ADGRL2: variants seen among roughly 807,000 people sequenced by gnomAD.
The protein encoded by ADGRL2 is calcium-independent alpha-latrotoxin receptor 2.
In ADGRL2, 44 loss-of-function variants were observed where a neutral mutation model predicts 157.4. That is an observed-to-expected ratio of 0.28 (90% CI 0.22 to 0.36). ADGRL2 has a LOEUF of 0.36. Among genes scored for constraint, ADGRL2 ranks in the 10% least tolerant of loss-of-function variants. The pLI is 1.00. For synonymous variants in ADGRL2, 585 were observed against 624.7 expected, an observed-to-expected ratio of 0.94 and a Z score of 0.95; for missense variants, 1,510 against 1,768.9, an observed-to-expected ratio of 0.85 and a Z score of 2.63.
Position 81,966,384 on chromosome 1 carries a change from G to C in ADGRL2, c.2144-20G>C. 6.2e-7 allele frequency: 1 copy of C among 1,607,258 alleles called. No individual in the cohort carries two copies. Among genetic ancestry groups the C allele is most frequent in the Non-Finnish European group, 8.5e-7 (1 of 1,174,138 alleles). ...CAAGCATGTTTTTTGTACATCATGT[G>C]ACTATTTTTACCTTCCTAGGGCTTG... is the stretch of plus-strand genomic sequence containing the variant. On this transcript the variant is annotated intron_variant, in intron 12 of 23. Transcript: ENST00000686636.
chr1:81,974,986 T>A (rs1659764846), intron 17 of ADGRL2, among the ~76,000 whole-genome samples: 1 of 152,052 alleles, frequency 6.6e-6, no homozygotes, highest in Non-Finnish European at 1.5e-5. Context: ...GATGACTTAC[T>A]CTTTTTGGCT....
rs1256402916 is a variant in ADGRL2, at chr1:81,979,895, A to G, written c.3048A>G (p.Thr1016=). Residue 1016 remains threonine (T), a synonymous_variant, in exon 18 of 24, where the codon ACA becomes ACG. Transcript: ENST00000686636. ...TAAATATTATCTTCTTGGTGATCAC[A>G]TTGTGCAAAATGGTGAAGCATTCAA... ...ILLNIIFLVI[T]LCKMVKHSNT... The G allele has an allele frequency of 1.9e-6, 3 of 1,605,956 alleles. No individual in the cohort carries two copies. The highest frequency in any genetic ancestry group is 1.7e-5 in the Admixed American group (1 of 59,698).
At chr1:81,553,452 A>G (rs1417895010) in intron 2 of ADGRL2, among the ~76,000 whole-genome samples, 2 of 152,194 alleles carry the variant, frequency 1.3e-5, no homozygotes, top group South Asian at 2.1e-4. Flanking sequence ...GTAAATGTGT[A>G]AAGTGGTAAA....
intron 2 of ADGRL2, among the ~76,000 whole-genome samples, chr1:81,775,577 C>T (rs2086547986): frequency 6.7e-6 from 1 of 149,966 alleles, no homozygotes; most frequent in African/African-American, 2.5e-5. Flanking sequence ...TAATAGAGGT[C>T]CTGGTTTAAA....
chr1:81,839,115 A>G (rs1383703890), intron 2 of ADGRL2, among the ~76,000 whole-genome samples: 1 of 152,104 alleles, frequency 6.6e-6, no homozygotes, highest in Non-Finnish European at 1.5e-5. Flanking sequence ...AGGCATAGGA[A>G]GGCAGATATG....
intron 1 of ADGRL2, among the ~76,000 whole-genome samples, chr1:81,704,626 C>T (rs1455852766): frequency 6.6e-6 from 1 of 152,178 alleles, no homozygotes; most frequent in Non-Finnish European, 1.5e-5. Context: ...TTTCCTCTTC[C>T]CCACCTTTCC....
intron 1 of ADGRL2, among the ~76,000 whole-genome samples, chr1:81,714,499 C>T (rs2084042451): frequency 6.6e-6 from 1 of 152,016 alleles, no homozygotes; most frequent in African/African-American, 2.4e-5. Flanking sequence ...TATATGTATG[C>T]TTAATACTCA....
intron 2 of ADGRL2, among the ~76,000 whole-genome samples, chr1:81,874,642 G>C (rs1023781547): frequency 1.3e-5 from 2 of 150,762 alleles, no homozygotes; most frequent in Non-Finnish European, 3.0e-5. Context: ...GTCTTGTCCT[G>C]TCCTGTCCTG....
Position 81,950,364 on chromosome 1 carries a change from A to G in ADGRL2, c.1386A>G (p.Ile462Met), listed in dbSNP as rs753048297. Residue 462 changes from isoleucine (I) to methionine (M), a missense_variant, in exon 7 of 24, where the codon ATA becomes ATG. Transcript: ENST00000686636. ...TTTCTACAACCAAAATTCCACCTAT[A>G]ACAAATATTTTTCCCCTGCCAGAGA... ...PAVSTTKIPP[I>M]TNIFPLPERF... 2 of 1,613,924 alleles carry G rather than the reference A, an allele frequency of 1.2e-6. No individual in the cohort carries two copies. Among genetic ancestry groups the G allele is most frequent in the Non-Finnish European group, 1.7e-6 (2 of 1,179,948 alleles).
At chr1:81,546,088 T>G (rs2080011129) in intron 2 of ADGRL2, among the ~76,000 whole-genome samples, 1 of 152,118 alleles carries the variant, frequency 6.6e-6, no homozygotes, top group Non-Finnish European at 1.5e-5. Context: ...GCTTTAACAA[T>G]TTATATCCCG....
intron 11 of ADGRL2, among the ~76,000 whole-genome samples, chr1:81,958,851 G>C (rs1055877319): frequency 6.6e-6 from 1 of 152,014 alleles, no homozygotes; most frequent in Non-Finnish European, 1.5e-5. Context: ...GATTAGTTTT[G>C]CTTTTTCTAG....
intron 1 of ADGRL2, among the ~76,000 whole-genome samples, chr1:81,704,948 A>C (rs1170459995): frequency 6.6e-6 from 1 of 152,234 alleles, no homozygotes; most frequent in Non-Finnish European, 1.5e-5. Context: ...ACTTCTGCAG[A>C]AAAAGAAAAA....
intron 18 of ADGRL2, chr1:81,980,774 C>A: frequency 1.5e-6 from 1 of 670,582 alleles, no homozygotes; most frequent in Non-Finnish European, 2.8e-6. Context: ...TTTCCTCTTT[C>A]TGTCTTCTCA....
intron 2 of ADGRL2, among the ~76,000 whole-genome samples, chr1:81,512,901 G>T (rs1366188458): frequency 6.7e-6 from 1 of 150,224 alleles, no homozygotes; most frequent in Non-Finnish European, 1.5e-5. Context: ...CAGAATCATT[G>T]CTTTCTCTTG....
chr1:81,684,648 G>A (rs769111665), intron 3 of ADGRL2, among the ~76,000 whole-genome samples: 2 of 152,090 alleles, frequency 1.3e-5, no homozygotes, highest in African/African-American at 4.8e-5. Flanking sequence ...TTAGGTCCCA[G>A]CTATTTAGCT....
At chr1:81,765,760 T>C (rs1277150633) in intron 2 of ADGRL2, among the ~76,000 whole-genome samples, 1 of 152,084 alleles carries the variant, frequency 6.6e-6, no homozygotes, top group Non-Finnish European at 1.5e-5. Flanking sequence ...ATACTTTATT[T>C]CTGAAAATGT....
intron 2 of ADGRL2, among the ~76,000 whole-genome samples, chr1:81,524,841 G>A (rs190525096): frequency 6.4e-4 from 97 of 152,100 alleles, no homozygotes; most frequent in Middle Eastern, 3.4e-3. Flanking sequence ...GGAGTTAGAG[G>A]CTACAGGGAG....
chr1:81,490,421 C>T (rs2078607193), intron 2 of ADGRL2, among the ~76,000 whole-genome samples: 1 of 152,052 alleles, frequency 6.6e-6, no homozygotes, highest in Non-Finnish European at 1.5e-5. Context: ...CATGAGCCAC[C>T]ATGCCTGGCA....
chr1:81,725,356 A>G (rs1344296102), intron 1 of ADGRL2, among the ~76,000 whole-genome samples: 1 of 151,904 alleles, frequency 6.6e-6, no homozygotes, highest in Non-Finnish European at 1.5e-5. Context: ...TGGCCAACAT[A>G]GTGAAACCCT....
Sources: allele counts gnomAD v4.1 joint callset (sites outside exome capture counted in the v4.1 genomes callset), GRCh38; gene constraint gnomAD v4.1.1; transcripts MANE v1.5; gene names NCBI Gene and HGNC (gene_info 2026-07-23, HGNC 2026-07-21).